Variants in TRAF3 observed in about 807,000 individuals in gnomAD.
TRAF3 encodes TNF receptor associated factor 3, also known as TNF receptor-associated factor 3.
TRAF3 carries 13 observed loss-of-function variants against 62.3 expected under a neutral mutation model. That is an observed-to-expected ratio of 0.21 (90% CI 0.14 to 0.33). The LOEUF (loss-of-function observed/expected upper bound fraction) is 0.33, where lower values mean the gene tolerates loss of function less well. TRAF3 is among the 10% of genes least tolerant of loss of function. The pLI, the probability that TRAF3 is intolerant of heterozygous loss-of-function variation, is 1.00. For missense variants in TRAF3, 440 were observed against 741.8 expected (o/e 0.59, Z 4.73); for synonymous variants, 269 against 283.4 (o/e 0.95, Z 0.51).
chr14:102,890,076 G>A (rs1195901686), intron 8 of TRAF3, among the ~76,000 whole-genome samples: 2 of 152,238 alleles, frequency 1.3e-5, no homozygotes, highest in African/African-American at 4.8e-5. Context: ...TGATGTACAT[G>A]TCTGTGCTGA....
chr14:102,828,778 A>G (rs903859598), intron 1 of TRAF3, among the ~76,000 whole-genome samples: 4 of 152,210 alleles, frequency 2.6e-5, no homozygotes, highest in African/African-American at 4.8e-5. Flanking sequence ...AATGCCCTAT[A>G]TAAGTGAATT....
chr14:102,787,861 T>C (rs1897584988), intron 1 of TRAF3, among the ~76,000 whole-genome samples: 1 of 150,902 alleles, frequency 6.6e-6, no homozygotes, highest in Non-Finnish European at 1.5e-5. Flanking sequence ...CTTTTTCTTT[T>C]TTTTTTTTTT....
In TRAF3 at chr14:102,863,942, C is replaced by T. The variant is rs530636546; in HGVS notation, c.-17-6243C>T. Among the ~76,000 whole-genome samples, 4 of 152,134 alleles carry T rather than the reference C, an allele frequency of 2.6e-5. No homozygotes were observed. The South Asian group carries it at 8.3e-4, about 31-fold the overall frequency. ...CATTCTGCTCCCTCTGGGACCAGTG[C>T]ATGCACCGGAGTGGCAGCCTCTTGT... On this transcript the variant is annotated intron_variant, in intron 2 of 11. Coordinates refer to ENST00000392745, the MANE Select transcript of TRAF3 (RefSeq NM_145725.3).
Position 102,779,269 on chromosome 14 carries a change from C to CT in TRAF3, c.-157+1623dup, listed in dbSNP as rs61309052. Among the ~76,000 whole-genome samples, 1,053 of 123,272 alleles carry CT rather than the reference C, an allele frequency of 8.5e-3. 86 individuals carry two copies. Among genetic ancestry groups the CT allele is most frequent in the African/African-American group, 0.017 (477 of 28,444 alleles). The allele number at this position is 123,272 out of a possible 152,430, so 80.9% of individuals were successfully genotyped here. On this transcript the variant is annotated intron_variant, in intron 1 of 11. Coordinates refer to ENST00000392745, the MANE Select transcript of TRAF3 (RefSeq NM_145725.3). Reference sequence around the variant, plus strand: ...GAGAGCTGGCCAGGGAGAATTCCAGCTTTTTTTTTTTTTTTTTTTTTTTTT... The same window carrying CT: ...GAGAGCTGGCCAGGGAGAATTCCAGCTTTTTTTTTTTTTTTTTTTTTTTTTT...
intron 1 of TRAF3, among the ~76,000 whole-genome samples, chr14:102,781,542 C>G (rs1487730337): frequency 6.6e-6 from 1 of 152,176 alleles, no homozygotes; most frequent in Non-Finnish European, 1.5e-5. Flanking sequence ...CACCTGTGGT[C>G]CCAGTTACTC....
chr14:102,824,961 C>G (rs993385571), intron 1 of TRAF3, among the ~76,000 whole-genome samples: 2 of 152,190 alleles, frequency 1.3e-5, no homozygotes, highest in African/African-American at 4.8e-5. Context: ...CGATTCTCTT[C>G]CTGCAGAAAG....
chr14:102,832,889 G>A (rs186123206), intron 2 of TRAF3, among the ~76,000 whole-genome samples: 29 of 152,066 alleles, frequency 1.9e-4, no homozygotes, highest in Admixed American at 1.6e-3. Context: ...TACTTCTTAA[G>A]CATTTGATTT....
At position 102,903,126 on chromosome 14, in the gene TRAF3, G is replaced by T; in HGVS notation, c.961-129G>T. On this transcript the variant is annotated intron_variant, in intron 10 of 11. Coordinates refer to ENST00000392745, the MANE Select transcript of TRAF3 (RefSeq NM_145725.3). The surrounding 1 kb of genome is among the most constrained non-coding windows in gnomAD (Gnocchi z 6.4). ...GAGCCCCACTCCTGGAGTCAGAGCC[G>T]CGGGTGGCAGGCCTCATACAGGGGC... 1 of 1,296,484 alleles carries T rather than the reference G, an allele frequency of 7.7e-7. No individual in the cohort carries two copies. Among genetic ancestry groups the T allele is most frequent in the Non-Finnish European group, 1.1e-6 (1 of 901,600 alleles). The allele number at this position is 1,296,484 out of a possible 1,614,324, so 80.3% of individuals were successfully genotyped here.
chr14:102,893,632 A>G (rs745701390), intron 9 of TRAF3, among the ~76,000 whole-genome samples: 26 of 152,216 alleles, frequency 1.7e-4, no homozygotes, highest in Non-Finnish European at 2.8e-4. Context: ...CAGCCTGCCC[A>G]CACACAGTGC....
chr14:102,906,053 G>A lies in TRAF3; in HGVS notation c.*269G>A. 2.6e-6 allele frequency: 1 copy of A among 391,732 alleles called. No homozygotes were observed. Among genetic ancestry groups the A allele is most frequent in the Non-Finnish European group, 4.6e-6 (1 of 218,220 alleles). The allele number at this position is 391,732 out of a possible 1,614,324, so 24.3% of individuals were successfully genotyped here. A position where few individuals can be genotyped will look rare whatever the true frequency, so the allele number is the denominator to read the frequency against. ...GAAGGTTTTCATTTTCATTTTTAAA[G>A]ATCTAGTTAATTAAGGTGGAAAACA... is the stretch of plus-strand genomic sequence containing the variant. On this transcript the variant is annotated 3_prime_UTR_variant, in exon 12 of 12. Transcript: ENST00000392745.
chr14:102,899,732 G>A (rs933091360), intron 10 of TRAF3, among the ~76,000 whole-genome samples: 7 of 152,162 alleles, frequency 4.6e-5, no homozygotes, highest in African/African-American at 1.4e-4. Context: ...GGCGGGAGTC[G>A]AAGCACAGAG....
intron 1 of TRAF3, among the ~76,000 whole-genome samples, chr14:102,821,969 G>A (rs1900013670): frequency 1.3e-5 from 2 of 152,322 alleles, no homozygotes; most frequent in African/African-American, 2.4e-5. Flanking sequence ...TTGAACCCTG[G>A]AGGCGGAGGT....
chr14:102,840,936 T>C (rs1375002003), intron 2 of TRAF3, among the ~76,000 whole-genome samples: 1 of 152,258 alleles, frequency 6.6e-6, no homozygotes, highest in East Asian at 1.9e-4. Flanking sequence ...CACTTTTTTC[T>C]ATAAAGGGCT....
At position 102,857,036 on chromosome 14, in the gene TRAF3, GA is replaced by G. The variant is rs1373802115; in HGVS notation, c.-17-13147del. ...CAATATATTCCACAACAGTAAAGTAGAATAACTAAAATTATCCTGAGTAAAC... is the reference window on the plus strand; with the variant it reads ...CAATATATTCCACAACAGTAAAGTAGATAACTAAAATTATCCTGAGTAAAC... On this transcript the variant is annotated intron_variant, in intron 2 of 11. Coordinates refer to ENST00000392745, the MANE Select transcript of TRAF3 (RefSeq NM_145725.3). Among the ~76,000 whole-genome samples the G allele has an allele frequency of 4.6e-5, 7 of 152,314 alleles. 1 individual carries two copies. The highest frequency in any genetic ancestry group is 6.8e-3 in the Middle Eastern group (2 of 294).
intron 1 of TRAF3, among the ~76,000 whole-genome samples, chr14:102,819,094 A>G (rs1899735326): frequency 6.6e-6 from 1 of 151,564 alleles, no homozygotes; most frequent in Non-Finnish European, 1.5e-5. Flanking sequence ...AATTAATTTA[A>G]AAAAATCCCA....
At chr14:102,787,321 AT>A (rs758570982) in intron 1 of TRAF3, among the ~76,000 whole-genome samples, 50 of 152,266 alleles carry the variant, frequency 3.3e-4, no homozygotes, top group Non-Finnish European at 5.3e-4. Flanking sequence ...TAACATATGA[AT>A]TTTTATATAT....
At chr14:102,820,614 A>ATATATT (rs1566755336) in intron 1 of TRAF3, among the ~76,000 whole-genome samples, 2 of 17,916 alleles carry the variant, frequency 1.1e-4, no homozygotes, top group Non-Finnish European at 1.5e-4. Flanking sequence ...ATATATATAT[A>ATATATT]TTTTTTTTTT....
At chr14:102,883,829 G>A (rs1367416519) in intron 6 of TRAF3, among the ~76,000 whole-genome samples, 6 of 152,070 alleles carry the variant, frequency 3.9e-5, no homozygotes, top group East Asian at 1.9e-4. Context: ...CAGGTAATCC[G>A]CCTGTCTCGG....
At chr14:102,869,686 G>A (rs1296619918) in intron 2 of TRAF3, among the ~76,000 whole-genome samples, 1 of 151,592 alleles carries the variant, frequency 6.6e-6, no homozygotes, top group African/African-American at 2.4e-5. Flanking sequence ...GCCGCCTGTA[G>A]TCTCAGCTAC....
Sources: allele counts gnomAD v4.1 joint callset (sites outside exome capture counted in the v4.1 genomes callset), GRCh38; gene constraint gnomAD v4.1.1; non-coding constraint Gnocchi (gnomAD v3.1); transcripts MANE v1.5; gene names NCBI Gene and HGNC (gene_info 2026-07-23, HGNC 2026-07-21).